Variants in ARHGEF2 observed in about 807,000 individuals in gnomAD.
ARHGEF2 encodes the protein Rho/Rac guanine nucleotide exchange factor 2, also known as rho guanine nucleotide exchange factor 2.
In ARHGEF2, 22 loss-of-function variants were observed where a neutral mutation model predicts 121.0. The observed-to-expected ratio is 0.18, with a 90% CI of 0.13 to 0.26. The LOEUF (loss-of-function observed/expected upper bound fraction) is 0.26. Among genes scored for constraint, ARHGEF2 ranks in the 10% least tolerant of loss-of-function variants. ARHGEF2 has a pLI of 1.00. For synonymous variants in ARHGEF2, 487 were observed against 530.0 expected (o/e 0.92, Z 1.11); for missense variants, 907 against 1,336.0 (o/e 0.68, Z 5.01).
At chr1:155,959,993 C>G (rs1677553796) in intron 11 of ARHGEF2, among the ~76,000 whole-genome samples, 1 of 152,096 alleles carries the variant, frequency 6.6e-6, no homozygotes, top group African/African-American at 2.4e-5. Flanking sequence ...AGTTTCCTTC[C>G]TCTCGCAGAG....
chr1:155,953,690 C>G (rs1675980752), intron 14 of ARHGEF2, among the ~76,000 whole-genome samples: 1 of 142,034 alleles, frequency 7.0e-6, no homozygotes, highest in East Asian at 2.1e-4. Flanking sequence ...TGCAGTGAGT[C>G]GAGATCACGC....
At chr1:155,979,427 C>G (rs1681915846), upstream of ARHGEF2, 4 of 725,682 alleles carry the variant, frequency 5.5e-6, no homozygotes, top group Middle Eastern at 7.1e-4. Flanking sequence ...CTCTCTGGAC[C>G]CTTTTCCCCA....
At chr1:155,970,171 C>T in intron 1 of ARHGEF2, 2 of 985,370 alleles carry the variant, frequency 2.0e-6, no homozygotes, top group Non-Finnish European at 2.4e-6. Flanking sequence ...TCTCTCCCAT[C>T]CTAGGAAGTC....
intron 13 of ARHGEF2, among the ~76,000 whole-genome samples, chr1:155,956,335 G>A (rs190621783): frequency 1.3e-5 from 2 of 151,954 alleles, no homozygotes; most frequent in Admixed American, 6.6e-5. Flanking sequence ...CTGACCTCAA[G>A]TGATCTACCC....
At position 155,947,530 on chromosome 1, in the gene ARHGEF2, C is replaced by T. The variant is rs1025086784; in HGVS notation, c.*412G>A. The T allele has an allele frequency of 6.6e-5, 28 of 422,804 alleles. No homozygotes were observed. Among genetic ancestry groups the T allele is most frequent in the African/African-American group, 2.4e-4 (12 of 49,028 alleles). The allele number at this position is 422,804 out of a possible 1,614,324, so 26.2% of individuals were successfully genotyped here. ...CAAGACGGATGTTGCAGGGGAGGGCCGTTAGGGCAAGAACCCAGCAGCTGC... is the reference window on the plus strand; with the variant it reads ...CAAGACGGATGTTGCAGGGGAGGGCTGTTAGGGCAAGAACCCAGCAGCTGC... On this transcript the variant is annotated 3_prime_UTR_variant, in exon 22 of 22. Coordinates refer to ENST00000361247, the MANE Select transcript of ARHGEF2 (RefSeq NM_001162383.2).
chr1:155,958,168 A>G (rs1677079144), intron 12 of ARHGEF2, 152 bp downstream of exon 12: 2 of 675,364 alleles, frequency 3.0e-6, no homozygotes, highest in Non-Finnish European at 5.2e-6. Context: ...AGTACCTGTG[A>G]GCTGCTCTTA....
Position 155,961,796 on chromosome 1 carries a change from T to A in ARHGEF2, c.1333A>T (p.Ile445Phe). Residue 445 changes from isoleucine to phenylalanine, a missense_variant, in exon 11 of 22, where the codon ATC becomes TTC. Ile to Phe is a conservative substitution (Grantham distance 21). This residue lies in a region of ARHGEF2 where 475 missense variants were observed against 776.5 expected (regional missense o/e 0.61). Coordinates refer to ENST00000361247, the MANE Select transcript of ARHGEF2 (RefSeq NM_001162383.2). The surrounding 1 kb of genome is among the most constrained non-coding windows in gnomAD (Gnocchi z 4.7). ...GCCCGAGGGTCCATGCGGTTGTAGA[T>A]CTCCTGCAGACGGGCCCCTTTCTCC... Reference protein sequence around the residue: ...QLEKGARLQEIYNRMDPRAQT... With the variant: ...QLEKGARLQEFYNRMDPRAQT... 6.2e-7 allele frequency: 1 copy of A among 1,614,154 alleles called. No homozygotes were observed. The highest frequency in any genetic ancestry group is 1.6e-4 in the Middle Eastern group (1 of 6,062).
Position 155,978,439 on chromosome 1 carries a change from G to A in ARHGEF2, c.-12C>T. 6.8e-7 allele frequency: 1 copy of A among 1,480,274 alleles called. No individual in the cohort carries two copies. The allele number at this position is 1,480,274 out of a possible 1,614,324, so 91.7% of individuals were successfully genotyped here. A position where few individuals can be genotyped will look rare whatever the true frequency, so the allele number is the denominator to read the frequency against. On this transcript the variant is annotated 5_prime_UTR_variant, in exon 1 of 22. Coordinates refer to ENST00000361247, the MANE Select transcript of ARHGEF2 (RefSeq NM_001162383.2). The surrounding 1 kb of genome is among the most constrained non-coding windows in gnomAD (Gnocchi z 4.1). ...TCGATCCGAGACATAATCGGACGGG[G>A]GGACCAGGGAGGACGCGGCGCGGAC...
rs1241945995 is a variant in ARHGEF2, at chr1:155,961,062, TC to T, written c.1468+598del. Among the ~76,000 whole-genome samples, 1 of 152,150 alleles carries T rather than the reference TC, an allele frequency of 6.6e-6. No individual in the cohort carries two copies. The highest frequency in any genetic ancestry group is 1.5e-5 in the Non-Finnish European group (1 of 68,026). ...CAGCTGGGGGAATCAACTGATCCTGTCCTCCAGTCTGAGAGCTTCTTTGTCT... is the reference window on the plus strand; with the variant it reads ...CAGCTGGGGGAATCAACTGATCCTGTCTCCAGTCTGAGAGCTTCTTTGTCT... On this transcript the variant is annotated intron_variant, in intron 11 of 21. Coordinates refer to ENST00000361247, the MANE Select transcript of ARHGEF2 (RefSeq NM_001162383.2). The surrounding 1 kb of genome is among the most constrained non-coding windows in gnomAD (Gnocchi z 4.7).
chr1:155,949,357 G>A (rs931910460), intron 21 of ARHGEF2, among the ~76,000 whole-genome samples: 2 of 152,046 alleles, frequency 1.3e-5, no homozygotes, highest in African/African-American at 4.8e-5. Context: ...CAAGGCAGGC[G>A]GATCATGAGG....
At position 155,962,500 on chromosome 1, in the gene ARHGEF2, C is replaced by A; in HGVS notation, c.1101+93G>T. ...GTCTGCACGGGTGGCGAATGCCTGA[C>A]CTCCATGTGGGTGCAGCTCACAGGC... On this transcript the variant is annotated intron_variant, in intron 9 of 21. Coordinates refer to ENST00000361247, the MANE Select transcript of ARHGEF2 (RefSeq NM_001162383.2). The surrounding 1 kb of genome is among the most constrained non-coding windows in gnomAD (Gnocchi z 5.8). 3 of 1,554,694 alleles carry A rather than the reference C, an allele frequency of 1.9e-6. No homozygotes were observed. Among genetic ancestry groups the A allele is most frequent in the Non-Finnish European group, 1.7e-6 (2 of 1,144,732 alleles).
Position 155,965,519 on chromosome 1 carries a change from T to C in ARHGEF2, c.471-107A>G, listed in dbSNP as rs1287005652. ...AAGAGGCGGTCCCCCTAAGTTCTCC[T>C]TATTTGTCTGTCTACAGTTCTGAAC... is the stretch of plus-strand genomic sequence containing the variant. On this transcript the variant is annotated intron_variant, in intron 5 of 21. Transcript: ENST00000361247. The surrounding 1 kb of genome is among the most constrained non-coding windows in gnomAD (Gnocchi z 6.0). The C allele has an allele frequency of 6.2e-7, 1 of 1,603,920 alleles. No homozygotes were observed. Among genetic ancestry groups the C allele is most frequent in the Admixed American group, 1.7e-5 (1 of 59,636 alleles).
At chr1:155,971,626 C>G (rs1468257503) in intron 1 of ARHGEF2, among the ~76,000 whole-genome samples, 1 of 143,478 alleles carries the variant, frequency 7.0e-6, no homozygotes, top group African/African-American at 2.5e-5. Context: ...AATAACCTCA[C>G]AGGACCTCAA....
intron 1 of ARHGEF2, chr1:155,970,281 C>A: frequency 1.0e-6 from 1 of 985,586 alleles, no homozygotes; most frequent in Non-Finnish European, 1.2e-6. Context: ...CTGCTGTCTC[C>A]CATTTCCCCC....
At chr1:155,964,180 A>ATATACATATATATATATG (rs1678794808) in intron 7 of ARHGEF2, among the ~76,000 whole-genome samples, 36 of 101,564 alleles carry the variant, frequency 3.5e-4, no homozygotes, top group Non-Finnish European at 5.1e-4. Flanking sequence ...ATATATATAT[A>ATATACATATATATATATG]TATATATATA....
At chr1:155,979,332 G>A (rs1234286872), upstream of ARHGEF2, 1 of 985,334 alleles carries the variant, frequency 1.0e-6, no homozygotes, top group Admixed American at 6.1e-5. Context: ...GGAACTGAAA[G>A]ACCAGAAACC....
Position 155,978,238 on chromosome 1 carries a change from C to T in ARHGEF2, c.63+127G>A, listed in dbSNP as rs1237365682. On this transcript the variant is annotated intron_variant, in intron 1 of 21. Coordinates refer to ENST00000361247, the MANE Select transcript of ARHGEF2 (RefSeq NM_001162383.2). The surrounding 1 kb of genome is among the most constrained non-coding windows in gnomAD (Gnocchi z 4.1). The stretch of plus-strand genomic sequence containing the variant: ...CCACCCACCCCGTCCCGCCGCTCGC[C>T]GATCCACCGCTCCGCCCGATTTTGG... 4 of 1,343,230 alleles carry T rather than the reference C, an allele frequency of 3.0e-6. No homozygotes were observed. The highest frequency in any genetic ancestry group is 1.5e-5 in the African/African-American group (1 of 65,886). 83.2% of individuals were successfully genotyped at this position (1,343,230 alleles called of 1,614,324 possible).
intron 21 of ARHGEF2, among the ~76,000 whole-genome samples, chr1:155,949,626 C>T (rs1309464598): frequency 1.3e-5 from 2 of 151,380 alleles, no homozygotes; most frequent in African/African-American, 4.9e-5. Context: ...TGCCTGTAAT[C>T]CCGACACTCT....
chr1:155,965,685 C>G lies in ARHGEF2; in HGVS notation c.416G>C (p.Arg139Pro), dbSNP rs374781823. The G allele has an allele frequency of 6.2e-7, 1 of 1,609,600 alleles. No individual in the cohort carries two copies. The highest frequency in any genetic ancestry group is 1.1e-5 in the South Asian group (1 of 90,638). ...SFRQSLLGSR[R>P]GRSSLSLAKS... The stretch of plus-strand genomic sequence containing the variant: ...GGCTAAAGACAAGGAGGAGCGGCCA[C>G]GGCGGGAGCCCAGGAGGGACTGCCG... Residue 139 changes from arginine (R) to proline (P), a missense_variant, in exon 5 of 22, where the codon CGT becomes CCT. Arg to Pro is a moderately radical substitution (Grantham distance 103). Transcript: ENST00000361247. The surrounding 1 kb of genome is among the most constrained non-coding windows in gnomAD (Gnocchi z 6.0).
Sources: allele counts gnomAD v4.1 joint callset (sites outside exome capture counted in the v4.1 genomes callset), GRCh38; gene constraint gnomAD v4.1.1; regional missense constraint gnomAD v4.1.1; non-coding constraint Gnocchi (gnomAD v3.1); transcripts MANE v1.5; gene names NCBI Gene and HGNC (gene_info 2026-07-23, HGNC 2026-07-21).